Variants in RBFOX1 observed in about 807,000 individuals in gnomAD.
RBFOX1 encodes RNA binding fox-1 homolog 1, also known as RNA binding protein fox-1 homolog 1.
A neutral mutation model predicts 57.7 loss-of-function variants in RBFOX1; 8 were observed. The ratio of observed to expected loss-of-function variants is 0.14; its 90% CI spans 0.08 to 0.25. The LOEUF (loss-of-function observed/expected upper bound fraction) is 0.25. Among genes scored for constraint, RBFOX1 ranks in the 10% least tolerant of loss-of-function variants. The pLI is 1.00. For synonymous variants in RBFOX1, 326 were observed against 222.4 expected (o/e 1.47, Z -4.15); for missense variants, 611 against 548.5 (o/e 1.11, Z -1.14).
chr16:6,650,265 C>T (rs1475365583), intron 2 of RBFOX1, among the ~76,000 whole-genome samples: 1 of 150,200 alleles, frequency 6.7e-6, no homozygotes, highest in African/African-American at 2.4e-5. Context: ...TGTTTGGTTG[C>T]TTGGTTTTAT....
intron 4 of RBFOX1, among the ~76,000 whole-genome samples, chr16:7,508,124 T>A (rs1377314323): frequency 6.6e-6 from 1 of 152,052 alleles, no homozygotes; most frequent in African/African-American, 2.4e-5. Flanking sequence ...GTAGCTGGGA[T>A]TACAGGCACC....
intron 3 of RBFOX1, among the ~76,000 whole-genome samples, chr16:5,799,848 C>T (rs1197397787): frequency 6.6e-6 from 1 of 151,614 alleles, no homozygotes; most frequent in Non-Finnish European, 1.5e-5. Context: ...ATGTTAGTTC[C>T]CAGAATATAG....
At chr16:7,133,671 C>A (rs1220856892) in intron 4 of RBFOX1, among the ~76,000 whole-genome samples, 2 of 151,634 alleles carry the variant, frequency 1.3e-5, no homozygotes, top group Non-Finnish European at 2.9e-5. Context: ...AAAGCAAAAG[C>A]AAAAAAATTA....
At chr16:6,676,546 C>T (rs181100047) in intron 3 of RBFOX1, among the ~76,000 whole-genome samples, 1 of 152,172 alleles carries the variant, frequency 6.6e-6, no homozygotes, top group Admixed American at 6.5e-5. Flanking sequence ...AATCCACAAA[C>T]ATTTACCCCT....
chr16:5,591,633 T>C (rs567210953), intron 2 of RBFOX1, among the ~76,000 whole-genome samples: 286 of 152,292 alleles, frequency 1.9e-3, no homozygotes, highest in Non-Finnish European at 3.3e-3. Flanking sequence ...CCTATATTCT[T>C]AAAACAATGA....
rs889444668 is a variant in RBFOX1, at chr16:7,712,176, T to C, written c.*1431T>C. ...CTTTCCACGTTGTCCTGTTTACAAG[T>C]TAACTTAAGTTGGGGTATCCGTCAC... is the stretch of plus-strand genomic sequence containing the variant. On this transcript the variant is annotated 3_prime_UTR_variant, in exon 16 of 16. Transcript: ENST00000550418. The C allele has an allele frequency of 2.0e-5, 3 of 152,670 alleles. No individual in the cohort carries two copies. Among genetic ancestry groups the C allele is most frequent in the Non-Finnish European group, 4.4e-5 (3 of 68,042 alleles). The allele number at this position is 152,670 out of a possible 1,614,324, so 9.5% of individuals were successfully genotyped here. A position where few individuals can be genotyped will look rare whatever the true frequency, so the allele number is the denominator to read the frequency against.
At chr16:7,406,912 G>A (rs1007110479) in intron 4 of RBFOX1, among the ~76,000 whole-genome samples, 15 of 152,030 alleles carry the variant, frequency 9.9e-5, no homozygotes, top group South Asian at 8.3e-4. Context: ...CCCTTCCTCC[G>A]TCTCCAATGC....
At chr16:6,251,511 C>G (rs552342122) in intron 1 of RBFOX1, among the ~76,000 whole-genome samples, 16 of 152,108 alleles carry the variant, frequency 1.1e-4, no homozygotes, top group African/African-American at 3.9e-4. Context: ...ATTTATTATA[C>G]ATGGGTTTGG....
intron 4 of RBFOX1, among the ~76,000 whole-genome samples, chr16:7,177,181 C>T (rs972827903): frequency 2.0e-5 from 3 of 152,164 alleles, no homozygotes; most frequent in Non-Finnish European, 4.4e-5. Flanking sequence ...GTAGTTTTCC[C>T]CACATGGAGA....
At chr16:6,320,357 G>GT (rs1298217056) in intron 2 of RBFOX1, among the ~76,000 whole-genome samples, 1 of 152,026 alleles carries the variant, frequency 6.6e-6, no homozygotes, top group Non-Finnish European at 1.5e-5. Flanking sequence ...GGGAGGTTTT[G>GT]TAAGTATTGG....
At chr16:7,530,677 C>T (rs1395196345) in intron 5 of RBFOX1, among the ~76,000 whole-genome samples, 1 of 152,060 alleles carries the variant, frequency 6.6e-6, no homozygotes, top group Admixed American at 6.6e-5. Context: ...CCTTTGTATC[C>T]CCGAAGAATG....
chr16:5,331,890 T>C (rs539482384), intron 1 of RBFOX1, among the ~76,000 whole-genome samples: 1 of 152,344 alleles, frequency 6.6e-6, no homozygotes, highest in East Asian at 1.9e-4. Context: ...CTGCATGTTC[T>C]TCCCTTCCAT....
intron 11 of RBFOX1, among the ~76,000 whole-genome samples, chr16:7,653,449 T>G (rs1468916584): frequency 6.6e-6 from 1 of 152,182 alleles, no homozygotes; most frequent in African/African-American, 2.4e-5. Context: ...GAGGGTGCAG[T>G]GAGCCGTGAT....
intron 3 of RBFOX1, among the ~76,000 whole-genome samples, chr16:6,869,820 C>G (rs1603634638): frequency 6.6e-6 from 1 of 152,110 alleles, no homozygotes. Context: ...GTTTTGAAGA[C>G]ACATGAGCTG....
At chr16:7,077,075 G>C (rs968506807) in intron 4 of RBFOX1, among the ~76,000 whole-genome samples, 1 of 152,180 alleles carries the variant, frequency 6.6e-6, no homozygotes, top group Non-Finnish European at 1.5e-5. Flanking sequence ...GGTTTTCTTT[G>C]CACAGACTTC....
intron 1 of RBFOX1, among the ~76,000 whole-genome samples, chr16:6,142,395 G>C (rs1300920383): frequency 6.6e-6 from 1 of 151,486 alleles, no homozygotes; most frequent in Non-Finnish European, 1.5e-5. Context: ...CTAATTTTTT[G>C]TATTTTTAGT....
chr16:6,606,936 G>A (rs1433004149), intron 2 of RBFOX1, among the ~76,000 whole-genome samples: 2 of 152,310 alleles, frequency 1.3e-5, no homozygotes, highest in Non-Finnish European at 2.9e-5. Flanking sequence ...TCACCACACT[G>A]TCTTTCACAA....
Position 6,282,352 on chromosome 16 carries a change from T to A in RBFOX1, c.-126-34643T>A, listed in dbSNP as rs927117555. On this transcript the variant is annotated intron_variant, in intron 1 of 15. Transcript: ENST00000550418. ...GGGCCTTCTCATTCCTTGTACCTTG[T>A]CTGTTTTTTTTTTTTTTTTTTTTTT... Among the ~76,000 whole-genome samples, 29 of 72,696 alleles carry A rather than the reference T, an allele frequency of 4.0e-4. No homozygotes were observed. The South Asian group carries it at 5.6e-3, about 14-fold the overall frequency. The allele number at this position is 72,696 out of a possible 152,430, so 47.7% of individuals were successfully genotyped here.
chr16:5,511,165 G>T (rs13330014), intron 2 of RBFOX1, among the ~76,000 whole-genome samples: 73,231 of 152,002 alleles, frequency 0.48, 18,031 homozygotes, highest in African/African-American at 0.57. Flanking sequence ...CCCCTGAAGA[G>T]TTCTGTGCAA....
Sources: allele counts gnomAD v4.1 joint callset (sites outside exome capture counted in the v4.1 genomes callset), GRCh38; gene constraint gnomAD v4.1.1; transcripts MANE v1.5; gene names NCBI Gene and HGNC (gene_info 2026-07-23, HGNC 2026-07-21).